PROM1: variants seen among roughly 807,000 people sequenced by gnomAD.
The protein encoded by PROM1 is prominin 1, also known as prominin-1.
A neutral mutation model predicts 116.9 loss-of-function variants in PROM1; 105 were observed. The ratio of observed to expected loss-of-function variants is 0.90; its 90% CI spans 0.77 to 1.06. PROM1 has a LOEUF of 1.06. PROM1 is among the 50% of genes least tolerant of loss of function. PROM1 has a pLI of 0.00. For synonymous variants in PROM1, 393 were observed against 387.0 expected, an observed-to-expected ratio of 1.02 and a Z score of -0.18; for missense variants, 1,122 against 1,045.2, an observed-to-expected ratio of 1.07 and a Z score of -1.01.
chr4:15,985,526 G>T, intron 22 of PROM1: 1 of 484,090 alleles, frequency 2.1e-6, no homozygotes. Context: ...AAAGGGGGTG[G>T]GAAGCAAATG....
chr4:15,987,931 C>T (rs1222401667), intron 19 of PROM1, among the ~76,000 whole-genome samples: 1 of 143,852 alleles, frequency 7.0e-6, no homozygotes, highest in Non-Finnish European at 1.5e-5. Context: ...GGCTGGAGTG[C>T]AGTGGCACGA....
At chr4:16,031,513 C>T (rs936473298) in intron 5 of PROM1, among the ~76,000 whole-genome samples, 6 of 151,984 alleles carry the variant, frequency 3.9e-5, no homozygotes, top group African/African-American at 1.5e-4. Context: ...TTTGGAATGA[C>T]CACTACTGAC....
At chr4:16,074,740 A>C (rs983426840) in intron 2 of PROM1, among the ~76,000 whole-genome samples, 1 of 152,204 alleles carries the variant, frequency 6.6e-6, no homozygotes, top group African/African-American at 2.4e-5. Flanking sequence ...AACTCCCCAT[A>C]ATATAAACAT....
At chr4:15,992,611 AAT>A (rs1335750330) in intron 16 of PROM1, among the ~76,000 whole-genome samples, 3 of 152,166 alleles carry the variant, frequency 2.0e-5, no homozygotes, top group Non-Finnish European at 4.4e-5. Flanking sequence ...TTTAAACATA[AAT>A]TTAAAAAATA....
At chr4:15,996,689 A>G (rs1308815095) in intron 15 of PROM1, among the ~76,000 whole-genome samples, 1 of 152,244 alleles carries the variant, frequency 6.6e-6, no homozygotes, top group African/African-American at 2.4e-5. Flanking sequence ...ACCTAAAAGT[A>G]TAACAAATTC....
intron 2 of PROM1, among the ~76,000 whole-genome samples, chr4:16,070,860 A>T (rs1742645605): frequency 6.6e-6 from 1 of 152,210 alleles, no homozygotes; most frequent in Non-Finnish European, 1.5e-5. Flanking sequence ...TCCTAAGGGA[A>T]CAGCAGCAAG....
chr4:16,024,361 G>A lies in PROM1; in HGVS notation c.631-3C>T. On this transcript the variant is annotated splice_polypyrimidine_tract_variant and splice_region_variant and intron_variant, in intron 6 of 27. Transcript: ENST00000447510. ...TGGGCCAATATATATTTGATTTGCT[G>A]AAAAAAGAACATTCTGTGAAACCTC... The A allele has an allele frequency of 1.2e-6, 2 of 1,608,668 alleles. No individual in the cohort carries two copies. The highest frequency in any genetic ancestry group is 1.7e-6 in the Non-Finnish European group (2 of 1,177,418).
At chr4:16,024,209 AC>A in intron 7 of PROM1, 85 bp downstream of exon 7, 6 of 1,203,146 alleles carry the variant, frequency 5.0e-6, no homozygotes, top group Non-Finnish European at 7.2e-6. Context: ...CCCAACTTTC[AC>A]GTACGTCATT....
chr4:15,988,507 C>T (rs1443180235), intron 19 of PROM1, among the ~76,000 whole-genome samples: 1 of 152,156 alleles, frequency 6.6e-6, no homozygotes, highest in Non-Finnish European at 1.5e-5. Context: ...TGGGTGTGGC[C>T]ATATTCCAAT....
chr4:16,075,799 C>G lies in PROM1; in HGVS notation c.108G>C (p.Leu36Phe), dbSNP rs1201865936. 1.9e-6 allele frequency: 3 copies of G among 1,613,538 alleles called. No homozygotes were observed. The highest frequency in any genetic ancestry group is 1.3e-5 in the African/African-American group (1 of 74,884). The change falls in exon 2 of 28, where the codon TTG becomes TTC. Residue 36 changes from leucine to phenylalanine, a missense_variant. By Grantham distance (22) the Leu-to-Phe change is conservative. Coordinates refer to ENST00000447510, the MANE Select transcript of PROM1 (RefSeq NM_006017.3). Reference sequence around the variant, plus strand: ...CTTGGGTCTCATAATTTGTTGCAGGCAATTCATAATTCCAAGCCTTAGGAG... The same window carrying G: ...CTTGGGTCTCATAATTTGTTGCAGGGAATTCATAATTCCAAGCCTTAGGAG... ...TDAPKAWNYELPATNYETQDS... is the reference protein window; with the variant it reads ...TDAPKAWNYEFPATNYETQDS...
Position 16,038,964 on chromosome 4 carries a change from G to A in PROM1, c.258C>T (p.Ser86=). ...LRKFLQKAYE[S]KIDYDKPETV... The stretch of plus-strand genomic sequence containing the variant: ...AAATTACCTTGTCATAATCAATTTT[G>A]GATTCATATGCCTTCTGTAAGAATT... Residue 86 remains serine (S), a synonymous_variant, in exon 3 of 28, where the codon TCC becomes TCT. Transcript: ENST00000447510. 6.7e-7 allele frequency: 1 copy of A among 1,494,144 alleles called. No individual in the cohort carries two copies. Among genetic ancestry groups the A allele is most frequent in the Non-Finnish European group, 8.9e-7 (1 of 1,119,978 alleles). The allele number at this position is 1,494,144 out of a possible 1,614,324, so 92.6% of individuals were successfully genotyped here. A position where few individuals can be genotyped will look rare whatever the true frequency, so the allele number is the denominator to read the frequency against.
chr4:16,052,723 C>A (rs183361848), intron 2 of PROM1, among the ~76,000 whole-genome samples: 133 of 152,280 alleles, frequency 8.7e-4, no homozygotes, highest in Non-Finnish European at 1.7e-3. Flanking sequence ...TCAAGTGATC[C>A]GCCTACTTCA....
intron 22 of PROM1, 164 bp downstream of exon 22, chr4:15,985,596 T>G (rs942934508): frequency 6.2e-6 from 4 of 648,470 alleles, no homozygotes; most frequent in South Asian, 5.4e-5. Flanking sequence ...TCCTCTGACC[T>G]GGTGGGAAGC....
At chr4:16,038,467 A>T (rs1734432642) in intron 3 of PROM1, among the ~76,000 whole-genome samples, 1 of 152,182 alleles carries the variant, frequency 6.6e-6, no homozygotes, top group African/African-American at 2.4e-5. Context: ...CAATGGCACC[A>T]TCTCGGCTCA....
At chr4:15,988,841 T>C (rs1423001513) in intron 19 of PROM1, among the ~76,000 whole-genome samples, 1 of 152,082 alleles carries the variant, frequency 6.6e-6, no homozygotes, top group Non-Finnish European at 1.5e-5. Flanking sequence ...TCTAATAAAT[T>C]AGGAAATCGA....
chr4:16,077,508 G>C (rs940066519), intron 1 of PROM1, among the ~76,000 whole-genome samples: 1 of 152,118 alleles, frequency 6.6e-6, no homozygotes, highest in Non-Finnish European at 1.5e-5. Context: ...TACGCTGAAC[G>C]CTGGTCCCCT....
intron 23 of PROM1, among the ~76,000 whole-genome samples, chr4:15,982,013 C>A (rs1003030710): frequency 5.9e-5 from 9 of 152,188 alleles, no homozygotes; most frequent in Admixed American, 2.0e-4. Context: ...AGGTGATATT[C>A]CAAATGATGT....
At chr4:15,987,856 A>C in intron 19 of PROM1, 140 bp from the exon 20 acceptor site, 1 of 661,544 alleles carries the variant, frequency 1.5e-6, no homozygotes, top group Admixed American at 3.0e-5. Context: ...AATAACCAAC[A>C]CAATTAACAA....
At chr4:16,016,596 G>T (rs1350316970) in intron 9 of PROM1, among the ~76,000 whole-genome samples, 1 of 152,150 alleles carries the variant, frequency 6.6e-6, no homozygotes, top group Admixed American at 6.5e-5. Flanking sequence ...GTAGTCAGTG[G>T]TTATATTAGT....
Sources: gnomAD v4.1 joint callset for allele counts (sites outside exome capture counted in the v4.1 genomes callset) on GRCh38, gnomAD v4.1.1 for gene constraint, MANE v1.5 for transcripts, NCBI Gene and HGNC (gene_info 2026-07-23, HGNC 2026-07-21) for gene names.